The following NCAPD3 variants were observed in gnomAD, a reference collection of about 807,000 sequenced individuals.
NCAPD3 encodes condensin-2 complex subunit D3.
A neutral mutation model predicts 182.9 loss-of-function variants in NCAPD3; 105 were observed. That is an observed-to-expected ratio of 0.57 (90% CI 0.49 to 0.68). NCAPD3 has a LOEUF of 0.68. Among genes scored for constraint, NCAPD3 ranks in the 30% least tolerant of loss-of-function variants. NCAPD3 has a pLI of 0.00. For missense variants in NCAPD3, 1,944 were observed against 1,837.0 expected (o/e 1.06, Z -1.07); for synonymous variants, 815 against 679.9 (o/e 1.20, Z -3.09).
chr11:134,205,311 C>G (rs1428977631), intron 8 of NCAPD3, among the ~76,000 whole-genome samples: 4 of 152,196 alleles, frequency 2.6e-5, no homozygotes, highest in Admixed American at 6.5e-5. Flanking sequence ...AGACACAGTA[C>G]CACCTCATGG....
intron 3 of NCAPD3, among the ~76,000 whole-genome samples, chr11:134,210,975 G>A (rs1316674466): frequency 6.6e-6 from 1 of 152,198 alleles, no homozygotes; most frequent in African/African-American, 2.4e-5. Context: ...TCTAGAAATC[G>A]GCCCAGGGCT....
chr11:134,200,053 A>C (rs1944718543), intron 13 of NCAPD3, among the ~76,000 whole-genome samples: 2 of 152,214 alleles, frequency 1.3e-5, no homozygotes, highest in East Asian at 3.8e-4. Context: ...CATGCAAAGG[A>C]GTGAAGGTGG....
intron 7 of NCAPD3, among the ~76,000 whole-genome samples, chr11:134,207,058 C>T (rs1025433709): frequency 2.0e-5 from 3 of 152,154 alleles, no homozygotes; most frequent in African/African-American, 7.2e-5. Context: ...GCAAAGAATG[C>T]TACTAATGTT....
In NCAPD3 at chr11:134,152,909, C is replaced by T. The variant is rs1319966693; in HGVS notation, c.*35G>A. The stretch of plus-strand genomic sequence containing the variant: ...GGACACGAGACTGCTTCCTCAAGGG[C>T]TCCTGCCTGCCTGGACACTGGTGGG... On this transcript the variant is annotated 3_prime_UTR_variant, in exon 35 of 35. Transcript: ENST00000534548. 3.4e-6 allele frequency: 5 copies of T among 1,479,126 alleles called. No homozygotes were observed. Among genetic ancestry groups the T allele is most frequent in the Non-Finnish European group, 3.6e-6 (4 of 1,099,036 alleles). The allele number at this position is 1,479,126 out of a possible 1,614,324, so 91.6% of individuals were successfully genotyped here. A position where few individuals can be genotyped will look rare whatever the true frequency, so the allele number is the denominator to read the frequency against.
In NCAPD3 at chr11:134,194,693, T is replaced by C; in HGVS notation, c.1661A>G (p.Lys554Arg). 1 of 1,609,010 alleles carries C rather than the reference T, an allele frequency of 6.2e-7. No individual in the cohort carries two copies. Among genetic ancestry groups the C allele is most frequent in the Non-Finnish European group, 8.5e-7 (1 of 1,177,630 alleles). Residue 554 changes from lysine to arginine, a missense_variant, in exon 14 of 35, where the codon AAG becomes AGG. Around this residue, in one of 3 missense-constraint regions of NCAPD3, gnomAD observed 1,803 missense variants for 1,674.6 expected, o/e 1.08. Coordinates refer to ENST00000534548, the MANE Select transcript of NCAPD3 (RefSeq NM_015261.3). The stretch of plus-strand genomic sequence containing the variant: ...CAGTGCAGACTTCCTAACGTTGGTC[T>C]TCTCATCCCTGATCCTCCTTCTCAG... ...AMLRRRIRDE[K>R]TNVRKSALQV...
chr11:134,163,120 C>A (rs563341217), intron 27 of NCAPD3, among the ~76,000 whole-genome samples: 33 of 152,200 alleles, frequency 2.2e-4, no homozygotes, highest in African/African-American at 7.7e-4. Flanking sequence ...GGAAGGCACA[C>A]CAGAAGTTCT....
intron 28 of NCAPD3, 74 bp downstream of exon 28, chr11:134,161,707 G>C: frequency 1.1e-6 from 1 of 902,146 alleles, no homozygotes; most frequent in Admixed American, 2.3e-5. Flanking sequence ...TGCCTGCACT[G>C]TCATAACTGG....
intron 20 of NCAPD3, among the ~76,000 whole-genome samples, chr11:134,180,559 G>A (rs1485009770): frequency 6.6e-6 from 1 of 152,154 alleles, no homozygotes; most frequent in Non-Finnish European, 1.5e-5. Context: ...AAGCAGGGGT[G>A]CCACAGAAAA....
At chr11:134,209,068 T>C (rs1937725661) in intron 6 of NCAPD3, 77 bp downstream of exon 6, 1 of 1,498,572 alleles carries the variant, frequency 6.7e-7, no homozygotes, top group African/African-American at 1.4e-5. Context: ...TGGGATAAAA[T>C]GGTATTTCCA....
chr11:134,185,426 C>T lies in NCAPD3; in HGVS notation c.2146G>A (p.Ala716Thr). 1 of 1,613,968 alleles carries T rather than the reference C, an allele frequency of 6.2e-7. No individual in the cohort carries two copies. Among genetic ancestry groups the T allele is most frequent in the Non-Finnish European group, 8.5e-7 (1 of 1,179,952 alleles). Residue 716 changes from alanine (A) to threonine (T), a missense_variant, in exon 17 of 35, where the codon GCA becomes ACA. Physicochemically the swap from Ala to Thr is moderately conservative, Grantham distance 58 (BLOSUM62 0). Coordinates refer to ENST00000534548, the MANE Select transcript of NCAPD3 (RefSeq NM_015261.3). ...VISHTGTEHS[A>T]PAWMLLSKIA... ...TTGGAGAGCAGCATCCAGGCAGGTGCCGAATGTTCCGTGCCAGTGTGAGAT... is the reference window on the plus strand; with the variant it reads ...TTGGAGAGCAGCATCCAGGCAGGTGTCGAATGTTCCGTGCCAGTGTGAGAT...
intron 32 of NCAPD3, among the ~76,000 whole-genome samples, chr11:134,154,395 C>G (rs1037270435): frequency 6.6e-6 from 1 of 151,902 alleles, no homozygotes; most frequent in African/African-American, 2.4e-5. Context: ...CTGTTAGGCT[C>G]AGGTGCACGC....
intron 24 of NCAPD3, among the ~76,000 whole-genome samples, chr11:134,174,295 A>T (rs1462417437): frequency 1.4e-5 from 2 of 144,158 alleles, no homozygotes; most frequent in African/African-American, 5.2e-5. Context: ...AGGTGGGAGG[A>T]TCACTTGAGC....
intron 1 of NCAPD3, among the ~76,000 whole-genome samples, chr11:134,221,916 G>A (rs894514848): frequency 6.6e-6 from 1 of 152,188 alleles, no homozygotes; most frequent in African/African-American, 2.4e-5. Flanking sequence ...TATGCTGCCT[G>A]AAAGAAGATC....
At chr11:134,162,710 G>A (rs532348909) in intron 27 of NCAPD3, among the ~76,000 whole-genome samples, 6 of 152,296 alleles carry the variant, frequency 3.9e-5, no homozygotes, top group African/African-American at 1.2e-4. Flanking sequence ...TTATGTTCAG[G>A]AATAGTCTTA....
chr11:134,168,355 CAG>C (rs1370075223), intron 26 of NCAPD3, 112 bp downstream of exon 26: 4 of 1,520,610 alleles, frequency 2.6e-6, no homozygotes, highest in Non-Finnish European at 3.6e-6. Flanking sequence ...GACAAGATGA[CAG>C]GGGTCTTCCT....
chr11:134,194,846 G>A, intron 13 of NCAPD3, 108 bp from the exon 14 acceptor site: 1 of 648,278 alleles, frequency 1.5e-6, no homozygotes, highest in Non-Finnish European at 2.6e-6. Context: ...AGACTCATTA[G>A]CTTGTTTTAA....
chr11:134,163,176 A>T (rs1303130470), intron 27 of NCAPD3, among the ~76,000 whole-genome samples: 1 of 152,218 alleles, frequency 6.6e-6, no homozygotes, highest in African/African-American at 2.4e-5. Context: ...AGAAGATGAC[A>T]GGAAGCCACC....
Position 134,185,492 on chromosome 11 carries a change from T to G in NCAPD3, c.2080A>C (p.Lys694Gln). The G allele has an allele frequency of 6.2e-7, 1 of 1,610,832 alleles. No homozygotes were observed. The highest frequency in any genetic ancestry group is 8.5e-7 in the Non-Finnish European group (1 of 1,178,828). Residue 694 changes from lysine (K) to glutamine (Q), a missense_variant, in exon 17 of 35, where the codon AAG becomes CAG. By Grantham distance (53) the Lys-to-Gln change is moderately conservative (BLOSUM62 1). This residue lies in a region of NCAPD3 where 1,803 missense variants were observed against 1,674.6 expected (regional missense o/e 1.08). Transcript: ENST00000534548. ...YLNKAFHIWS[K>Q]KEKFSPTFIN... Reference sequence around the variant, plus strand: ...AAAGTGGGTGAGAATTTTTCTTTCTTGGACCAGATATGAAAAGCCTTATTT... The same window carrying G: ...AAAGTGGGTGAGAATTTTTCTTTCTGGGACCAGATATGAAAAGCCTTATTT...
At chr11:134,161,945 C>T in intron 27 of NCAPD3, 54 bp from the exon 28 acceptor site, 1 of 823,490 alleles carries the variant, frequency 1.2e-6, no homozygotes, top group Non-Finnish European at 1.9e-6. Context: ...GAAAGACAGG[C>T]CTCTCCTTGA....
Sources: allele counts gnomAD v4.1 joint callset (sites outside exome capture counted in the v4.1 genomes callset), GRCh38; gene constraint gnomAD v4.1.1; regional missense constraint gnomAD v4.1.1; transcripts MANE v1.5; gene names NCBI Gene and HGNC (gene_info 2026-07-23, HGNC 2026-07-21).